The following SLC4A4 variants were observed in gnomAD, a reference collection of about 807,000 sequenced individuals.
SLC4A4 encodes the protein solute carrier family 4 member 4.
A neutral mutation model predicts 111.5 loss-of-function variants in SLC4A4; 27 were observed. The observed-to-expected ratio is 0.24, with a 90% CI of 0.18 to 0.33. The LOEUF is 0.33. Among genes scored for constraint, SLC4A4 ranks in the 10% least tolerant of loss-of-function variants. The pLI is 1.00. For missense variants in SLC4A4, 909 were observed against 1,315.5 expected, an observed-to-expected ratio of 0.69 and a Z score of 4.78; for synonymous variants, 443 against 463.4, an observed-to-expected ratio of 0.96 and a Z score of 0.57.
At chr4:71,552,781 A>G (rs575732950) in intron 20 of SLC4A4, among the ~76,000 whole-genome samples, 2 of 151,944 alleles carry the variant, frequency 1.3e-5, no homozygotes, top group African/African-American at 2.4e-5. Context: ...ATATGCCTGT[A>G]TGGTATACTT....
chr4:71,272,797 A>G (rs1408913827), intron 3 of SLC4A4, among the ~76,000 whole-genome samples: 3 of 152,128 alleles, frequency 2.0e-5, no homozygotes, highest in Non-Finnish European at 4.4e-5. Context: ...ATTTCAGTGG[A>G]TTTTATTTTA....
intron 7 of SLC4A4, among the ~76,000 whole-genome samples, chr4:71,405,060 C>A (rs1357061623): frequency 6.6e-6 from 1 of 151,878 alleles, no homozygotes; most frequent in Non-Finnish European, 1.5e-5. Flanking sequence ...AAGCGATCTG[C>A]CTGTCTTGAC....
At position 71,255,374 on chromosome 4, in the gene SLC4A4, C is replaced by T. The variant is rs1341163305; in HGVS notation, c.228C>T (p.Ser76=). 1 of 1,613,360 alleles carries T rather than the reference C, an allele frequency of 6.2e-7. No homozygotes were observed. The highest frequency in any genetic ancestry group is 8.5e-7 in the Non-Finnish European group (1 of 1,179,554). ...DKSDIENADE[S]SSSILKPLIS... ...CAGATATTGAAAATGCTGATGAATCCAGCAGCAGCATCCTAAAACCTCTCA... is the reference window on the plus strand; with the variant it reads ...CAGATATTGAAAATGCTGATGAATCTAGCAGCAGCATCCTAAAACCTCTCA... Residue 76 remains serine (S), a synonymous_variant, in exon 3 of 26, where the codon TCC becomes TCT. Coordinates refer to ENST00000264485, the MANE Select transcript of SLC4A4 (RefSeq NM_001098484.3).
At chr4:71,508,969 G>T (rs1185449961) in intron 16 of SLC4A4, among the ~76,000 whole-genome samples, 1 of 152,114 alleles carries the variant, frequency 6.6e-6, no homozygotes, top group Non-Finnish European at 1.5e-5. Flanking sequence ...CAAGAAATGT[G>T]ATTCATCACA....
At chr4:71,303,925 T>A (rs1725477018) in intron 3 of SLC4A4, among the ~76,000 whole-genome samples, 1 of 152,198 alleles carries the variant, frequency 6.6e-6, no homozygotes, top group South Asian at 2.1e-4. Flanking sequence ...ATGCCTATTA[T>A]ATTCTTGATT....
At chr4:71,338,080 G>T (rs1257878504) in intron 3 of SLC4A4, among the ~76,000 whole-genome samples, 2 of 151,844 alleles carry the variant, frequency 1.3e-5, no homozygotes, top group African/African-American at 4.9e-5. Flanking sequence ...TGATCCACCC[G>T]CCTCGGCCTC....
At chr4:71,558,214 C>G (rs1474238721) in intron 22 of SLC4A4, among the ~76,000 whole-genome samples, 1 of 151,896 alleles carries the variant, frequency 6.6e-6, no homozygotes, top group Non-Finnish European at 1.5e-5. Context: ...TAGCACAATG[C>G]CTGACACATA....
At chr4:71,331,717 A>T (rs1488878910) in intron 3 of SLC4A4, among the ~76,000 whole-genome samples, 1 of 149,848 alleles carries the variant, frequency 6.7e-6, no homozygotes, top group Admixed American at 6.8e-5. Context: ...GTACCCTAGG[A>T]CTTAAAGTAT....
chr4:71,112,451 G>T (rs1209810400), intron 2 of SLC4A4, among the ~76,000 whole-genome samples: 1 of 152,122 alleles, frequency 6.6e-6, no homozygotes, highest in Non-Finnish European at 1.5e-5. Context: ...TTCCTGGGAA[G>T]AAATAAATTA....
chr4:71,555,098 CT>C (rs776097340), intron 20 of SLC4A4, 41 bp from the exon 21 acceptor site: 109 of 1,337,330 alleles, frequency 8.2e-5, no homozygotes, highest in Non-Finnish European at 7.5e-6. Context: ...CCTCTTTTTT[CT>C]TGTTATCATT....
intron 2 of SLC4A4, among the ~76,000 whole-genome samples, chr4:71,098,242 T>A (rs772929846): frequency 2.0e-5 from 3 of 152,234 alleles, no homozygotes; most frequent in Admixed American, 6.5e-5. Flanking sequence ...CTTCTACATA[T>A]GGCTAGCCAG....
rs16846331 is a variant in SLC4A4, at chr4:71,391,045, A to G, written c.731-6532A>G. 7.7e-3 allele frequency among the ~76,000 whole-genome samples: 1,175 copies of G among 152,222 alleles called. 16 individuals carry two copies. The highest frequency in any genetic ancestry group is 0.025 in the African/African-American group (1,028 of 41,554). On this transcript the variant is annotated intron_variant, in intron 6 of 25. Transcript: ENST00000264485. Reference sequence around the variant, plus strand: ...AGTAGGTTTGTTATGCCAACAAAGGAAGAAGAAAGAACATCAATGAGTCAA... The same window carrying G: ...AGTAGGTTTGTTATGCCAACAAAGGGAGAAGAAAGAACATCAATGAGTCAA...
intron 7 of SLC4A4, among the ~76,000 whole-genome samples, chr4:71,427,085 G>A (rs1188907326): frequency 3.3e-5 from 5 of 152,072 alleles, no homozygotes; most frequent in African/African-American, 9.7e-5. Context: ...TTTTCACAAT[G>A]TGAACACACC....
chr4:71,102,834 C>A (rs1742798075), intron 2 of SLC4A4, among the ~76,000 whole-genome samples: 2 of 151,782 alleles, frequency 1.3e-5, no homozygotes, highest in Non-Finnish European at 2.9e-5. Flanking sequence ...ATGTAAAGAC[C>A]ATCGAGACTA....
At chr4:71,112,814 T>G (rs1743130639) in intron 2 of SLC4A4, among the ~76,000 whole-genome samples, 1 of 152,240 alleles carries the variant, frequency 6.6e-6, no homozygotes, top group African/African-American at 2.4e-5. Context: ...TGGGAACCAC[T>G]GCGTTAGGTA....
At chr4:71,156,572 ATGCGCGCGCG>A (rs1744472732) in intron 2 of SLC4A4, among the ~76,000 whole-genome samples, 1 of 26,076 alleles carries the variant, frequency 3.8e-5, no homozygotes, top group Admixed American at 7.6e-4. Context: ...GTGTGCGCGC[ATGCGCGCGCG>A]CGCGCGCACA....
At chr4:71,112,189 A>T (rs1448755280) in intron 2 of SLC4A4, among the ~76,000 whole-genome samples, 1 of 152,228 alleles carries the variant, frequency 6.6e-6, no homozygotes. Flanking sequence ...TCTCCTTTCC[A>T]CTAATTAAAA....
chr4:71,338,279 T>C (rs1215185803), intron 3 of SLC4A4, among the ~76,000 whole-genome samples: 1 of 152,240 alleles, frequency 6.6e-6, no homozygotes, highest in Non-Finnish European at 1.5e-5. Flanking sequence ...TATAATAGTT[T>C]TCAGATGGTA....
chr4:71,505,881 A>C (rs1731371573), intron 16 of SLC4A4, among the ~76,000 whole-genome samples: 1 of 152,150 alleles, frequency 6.6e-6, no homozygotes, highest in African/African-American at 2.4e-5. Context: ...GGTATAAGGA[A>C]GAGGACAAGT....
Sources: allele counts gnomAD v4.1 joint callset (sites outside exome capture counted in the v4.1 genomes callset), GRCh38; gene constraint gnomAD v4.1.1; transcripts MANE v1.5; gene names NCBI Gene and HGNC (gene_info 2026-07-23, HGNC 2026-07-21).